The following SYT10 variants were observed in gnomAD, a reference collection of about 807,000 sequenced individuals.
The protein encoded by SYT10 is synaptotagmin-10.
Under a neutral mutation model 51.1 loss-of-function variants are expected in SYT10, and 31 were observed. The observed-to-expected ratio is 0.61, with a 90% CI of 0.46 to 0.82. The LOEUF (loss-of-function observed/expected upper bound fraction) is 0.82. Among genes scored for constraint, SYT10 ranks in the 40% least tolerant of loss-of-function variants. The pLI is 0.00. For synonymous variants in SYT10, 233 were observed against 225.9 expected, an observed-to-expected ratio of 1.03 and a Z score of -0.28; for missense variants, 603 against 634.0, an observed-to-expected ratio of 0.95 and a Z score of 0.53.
chr12:33,407,880 G>C (rs1866373233), intron 2 of SYT10: 1 of 152,208 alleles, frequency 6.6e-6, no homozygotes, highest in Non-Finnish European at 1.5e-5. Flanking sequence ...AAAGTGCCGA[G>C]ATAACACAAG....
chr12:33,432,106 T>C (rs1164537908), intron 1 of SYT10, among the ~76,000 whole-genome samples: 1 of 152,140 alleles, frequency 6.6e-6, no homozygotes, highest in African/African-American at 2.4e-5. Context: ...TATATTTGTG[T>C]CAGAGTGATA....
chr12:33,397,877 A>G (rs1312827549), intron 3 of SYT10, among the ~76,000 whole-genome samples: 1 of 152,180 alleles, frequency 6.6e-6, no homozygotes, highest in Non-Finnish European at 1.5e-5. Context: ...CAGAGGTATC[A>G]GTCAATAAGA....
chr12:33,410,688 A>G (rs1450011224), intron 2 of SYT10, among the ~76,000 whole-genome samples: 1 of 152,224 alleles, frequency 6.6e-6, no homozygotes. Context: ...GTGTGCTGTC[A>G]CAGAGAATTA....
At chr12:33,387,748 T>TTTG in intron 3 of SYT10, among the ~76,000 whole-genome samples, 1 of 34,976 alleles carries the variant, frequency 2.9e-5, no homozygotes, top group African/African-American at 2.4e-4. Context: ...TTCTAACATG[T>TTTG]TTTTTTTTTT....
intron 2 of SYT10, among the ~76,000 whole-genome samples, chr12:33,420,124 A>T (rs1737754990): frequency 6.6e-6 from 1 of 152,186 alleles, no homozygotes; most frequent in South Asian, 2.1e-4. Flanking sequence ...ACTCTTGATG[A>T]CACTTCATCT....
rs1362660394 is a variant in SYT10, at chr12:33,376,680, C to T, written c.*150G>A. The T allele has an allele frequency of 4.7e-6, 4 of 842,398 alleles. No homozygotes were observed. Among genetic ancestry groups the T allele is most frequent in the Non-Finnish European group, 7.2e-6 (4 of 551,814 alleles). 52.2% of individuals were successfully genotyped at this position (842,398 alleles called of 1,614,324 possible). The stretch of plus-strand genomic sequence containing the variant: ...GTATTGATGTTCAAAGTTAAAAAAT[C>T]AACAATAAAAGCAAATAAAAAAGTG... On this transcript the variant is annotated 3_prime_UTR_variant, in exon 7 of 7. Transcript: ENST00000228567.
intron 6 of SYT10, 107 bp from the exon 7 acceptor site, chr12:33,377,008 T>A: frequency 8.4e-7 from 1 of 1,190,718 alleles, no homozygotes; most frequent in South Asian, 1.3e-5. Context: ...TATGCGAATC[T>A]CTGAAGAAAG....
intron 1 of SYT10, among the ~76,000 whole-genome samples, chr12:33,438,291 A>G (rs1283177306): frequency 6.6e-6 from 1 of 152,178 alleles, no homozygotes; most frequent in African/African-American, 2.4e-5. Context: ...GGAAAAGCAA[A>G]GGGAAAGAAC....
intron 6 of SYT10, 66 bp from the exon 7 acceptor site, chr12:33,376,967 CT>C (rs1866068527): frequency 6.6e-7 from 1 of 1,519,548 alleles, no homozygotes; most frequent in East Asian, 2.3e-5. Context: ...TTAGTTGTTG[CT>C]CCCTTTAAAT....
At chr12:33,387,452 ATGTTT>A (rs1331660900) in intron 3 of SYT10, among the ~76,000 whole-genome samples, 1 of 152,244 alleles carries the variant, frequency 6.6e-6, no homozygotes, top group Non-Finnish European at 1.5e-5. Context: ...ATAAGGAATG[ATGTTT>A]TGTTTACTAC....
At chr12:33,430,568 A>G (rs1866588843) in intron 1 of SYT10, among the ~76,000 whole-genome samples, 2 of 152,164 alleles carry the variant, frequency 1.3e-5, no homozygotes, top group Non-Finnish European at 2.9e-5. Context: ...GCTTGAATTG[A>G]TATTCTCCTC....
intron 2 of SYT10, among the ~76,000 whole-genome samples, chr12:33,421,861 G>A (rs369837978): frequency 6.6e-6 from 1 of 152,096 alleles, no homozygotes; most frequent in Admixed American, 6.5e-5. Context: ...TAAAAACGAG[G>A]TTGTTATTCC....
intron 1 of SYT10, among the ~76,000 whole-genome samples, chr12:33,428,832 G>A (rs1866573381): frequency 6.6e-6 from 1 of 152,000 alleles, no homozygotes; most frequent in African/African-American, 2.4e-5. Context: ...CGTGAGCCCG[G>A]GACGTGGAGC....
chr12:33,388,297 A>G (rs957511192), intron 3 of SYT10, among the ~76,000 whole-genome samples: 6 of 152,176 alleles, frequency 3.9e-5, no homozygotes, highest in African/African-American at 1.4e-4. Flanking sequence ...AATATATCCT[A>G]TATGTTCTGT....
Position 33,439,364 on chromosome 12 carries a change from C to CGG in SYT10, c.151+7_151+8insCC. The CGG allele has an allele frequency of 6.2e-7, 1 of 1,610,670 alleles. No individual in the cohort carries two copies. The highest frequency in any genetic ancestry group is 8.5e-7 in the Non-Finnish European group (1 of 1,178,592). ...GCGCGAGGACGCGAGCGGAGCCCTC[C>CGG]CGGTTACCTGTGCTGCTTCCGCCCT... On this transcript the variant is annotated splice_region_variant and intron_variant, in intron 1 of 6. Transcript: ENST00000228567.
At chr12:33,398,239 C>T (rs142520012) in intron 3 of SYT10, among the ~76,000 whole-genome samples, 158 of 152,174 alleles carry the variant, frequency 1.0e-3, no homozygotes, top group Non-Finnish European at 1.5e-3. Context: ...TCAGGCCGGG[C>T]GCGGTGGCTC....
At chr12:33,430,666 T>C (rs1866589762) in intron 1 of SYT10, among the ~76,000 whole-genome samples, 1 of 152,174 alleles carries the variant, frequency 6.6e-6, no homozygotes, top group African/African-American at 2.4e-5. Context: ...AAATGTGATT[T>C]CCAATAATTA....
At chr12:33,378,658 C>G (rs1468987401) in intron 6 of SYT10, among the ~76,000 whole-genome samples, 1 of 152,000 alleles carries the variant, frequency 6.6e-6, no homozygotes, top group Non-Finnish European at 1.5e-5. Context: ...AGATCAGAAC[C>G]AGGAAAAGAA....
intron 4 of SYT10, among the ~76,000 whole-genome samples, chr12:33,384,792 A>G (rs1565490764): frequency 6.6e-6 from 1 of 152,318 alleles, no homozygotes; most frequent in East Asian, 1.9e-4. Flanking sequence ...AGGTGAGGGG[A>G]ATAAATTCAG....
Sources: allele counts gnomAD v4.1 joint callset (sites outside exome capture counted in the v4.1 genomes callset), GRCh38; gene constraint gnomAD v4.1.1; transcripts MANE v1.5; gene names NCBI Gene and HGNC (gene_info 2026-07-23, HGNC 2026-07-21).